CAMK2D: variants seen among roughly 807,000 people sequenced by gnomAD.
CAMK2D encodes the protein calcium/calmodulin-dependent protein kinase type II subunit delta.
In CAMK2D, 37 loss-of-function variants were observed where a neutral mutation model predicts 84.0. The observed-to-expected ratio is 0.44, with a 90% CI of 0.34 to 0.58. The LOEUF (loss-of-function observed/expected upper bound fraction) is 0.58, where lower values mean the gene tolerates loss of function less well. CAMK2D is among the 20% of genes least tolerant of loss of function. The pLI is 0.02. For missense variants in CAMK2D, 448 were observed against 652.5 expected (o/e 0.69, Z 3.41); for synonymous variants, 202 against 212.5 (o/e 0.95, Z 0.43).
In CAMK2D at chr4:113,454,269, C is replaced by A; in HGVS notation, c.*276G>T. 1 of 319,766 alleles carries A rather than the reference C, an allele frequency of 3.1e-6. No homozygotes were observed. The highest frequency in any genetic ancestry group is 5.7e-6 in the Non-Finnish European group (1 of 175,940). 19.8% of individuals were successfully genotyped at this position (319,766 alleles called of 1,614,324 possible). A position where few individuals can be genotyped will look rare whatever the true frequency, so the allele number is the denominator to read the frequency against. On this transcript the variant is annotated 3_prime_UTR_variant, in exon 21 of 21. Coordinates refer to ENST00000511664, the MANE Select transcript of CAMK2D (RefSeq NM_001321571.2). ...GAATATTGTGGATTTTTTTTTTTGTCTAATCTCCCCCTATTGTTTTGCCAA... is the reference window on the plus strand; with the variant it reads ...GAATATTGTGGATTTTTTTTTTTGTATAATCTCCCCCTATTGTTTTGCCAA...
chr4:113,517,527 C>A (rs2154170204), intron 9 of CAMK2D, 36 bp downstream of exon 9: 1 of 981,718 alleles, frequency 1.0e-6, no homozygotes, highest in South Asian at 1.7e-5. Context: ...AAAAGACAAA[C>A]CTTCATCTAA....
At chr4:113,528,946 A>G (rs2098440034) in intron 8 of CAMK2D, among the ~76,000 whole-genome samples, 1 of 152,200 alleles carries the variant, frequency 6.6e-6, no homozygotes, top group East Asian at 1.9e-4. Flanking sequence ...GTTCATGCTT[A>G]GAAGATACTC....
chr4:113,462,290 GTGTGTCTGTC>G (rs1302599010), intron 17 of CAMK2D, among the ~76,000 whole-genome samples: 25 of 91,714 alleles, frequency 2.7e-4, no homozygotes, highest in South Asian at 8.0e-4. Flanking sequence ...GTGTGTGTGT[GTGTGTCTGTC>G]TGTCTGTCTG....
At chr4:113,566,160 G>A (rs1197022983) in intron 4 of CAMK2D, among the ~76,000 whole-genome samples, 4 of 152,204 alleles carry the variant, frequency 2.6e-5, no homozygotes, top group Non-Finnish European at 5.9e-5. Context: ...TAGCAAAAGA[G>A]ACTGTTTTCT....
At chr4:113,674,996 C>A (rs920402168) in intron 2 of CAMK2D, among the ~76,000 whole-genome samples, 1 of 152,220 alleles carries the variant, frequency 6.6e-6, no homozygotes, top group African/African-American at 2.4e-5. Flanking sequence ...GCATTAGCTT[C>A]TTGCAGTAGA....
chr4:113,482,448 T>C (rs956370496), intron 16 of CAMK2D, among the ~76,000 whole-genome samples: 3 of 152,200 alleles, frequency 2.0e-5, no homozygotes, highest in African/African-American at 7.2e-5. Flanking sequence ...GTCATATCAA[T>C]TCAGTTTTCT....
At chr4:113,616,779 C>A (rs1261254655) in intron 3 of CAMK2D, among the ~76,000 whole-genome samples, 1 of 152,064 alleles carries the variant, frequency 6.6e-6, no homozygotes, top group Non-Finnish European at 1.5e-5. Flanking sequence ...CTCTGTCCTG[C>A]TCATTTTTAA....
chr4:113,487,732 C>G (rs1430967597), intron 16 of CAMK2D, among the ~76,000 whole-genome samples: 1 of 151,930 alleles, frequency 6.6e-6, no homozygotes, highest in Non-Finnish European at 1.5e-5. Context: ...AATAAGATTT[C>G]CTAAAACTGT....
At chr4:113,511,552 AT>A (rs1275505285) in intron 12 of CAMK2D, among the ~76,000 whole-genome samples, 2 of 152,186 alleles carry the variant, frequency 1.3e-5, no homozygotes, top group African/African-American at 2.4e-5. Context: ...GCCATTAACA[AT>A]TTATGCTATA....
intron 15 of CAMK2D, among the ~76,000 whole-genome samples, chr4:113,501,224 G>C (rs950815906): frequency 5.3e-5 from 8 of 151,286 alleles, no homozygotes; most frequent in African/African-American, 1.9e-4. Context: ...CTCTTTCTTT[G>C]TAAAACTACA....
chr4:113,529,224 T>C (rs13133676), intron 8 of CAMK2D, among the ~76,000 whole-genome samples: 19,870 of 152,162 alleles, frequency 0.13, 1,350 homozygotes, highest in Admixed American at 0.18. Context: ...TTCCCAGGCA[T>C]GGAGGTAACT....
At chr4:113,506,178 G>A (rs773048228) in intron 13 of CAMK2D, among the ~76,000 whole-genome samples, 1 of 152,054 alleles carries the variant, frequency 6.6e-6, no homozygotes, top group South Asian at 2.1e-4. Flanking sequence ...TTAATTGTTC[G>A]GGTTTTCTGG....
In CAMK2D at chr4:113,720,280, A is replaced by C. The variant is rs537074012; in HGVS notation, c.160+39040T>G. On this transcript the variant is annotated intron_variant, in intron 2 of 20. Transcript: ENST00000511664. ...CAACTCAGTAGTAGTAACCAAATTT[A>C]AGTTGCATTTTTAAAAGTACTCAAA... Among the ~76,000 whole-genome samples, 5 of 152,106 alleles carry C rather than the reference A, an allele frequency of 3.3e-5. 1 individual carries two copies. In the South Asian group the frequency reaches 1.0e-3, roughly 32 times the overall value.
At chr4:113,666,901 T>C (rs555736722) in intron 2 of CAMK2D, among the ~76,000 whole-genome samples, 230 of 152,306 alleles carry the variant, frequency 1.5e-3, no homozygotes, top group African/African-American at 4.9e-3. Context: ...AGTCCTGACC[T>C]TTCCTGGCCT....
At chr4:113,588,414 T>C (rs576479220) in intron 4 of CAMK2D, among the ~76,000 whole-genome samples, 1 of 152,334 alleles carries the variant, frequency 6.6e-6, no homozygotes, top group Admixed American at 6.5e-5. Flanking sequence ...GAGACAACAC[T>C]GCCTCTATTT....
chr4:113,518,855 C>T (rs1040888246), intron 8 of CAMK2D, among the ~76,000 whole-genome samples: 1 of 151,888 alleles, frequency 6.6e-6, no homozygotes, highest in African/African-American at 2.4e-5. Context: ...GTTTAATCAT[C>T]TTAGAATTTT....
chr4:113,695,553 T>C (rs1024603171), intron 2 of CAMK2D, among the ~76,000 whole-genome samples: 12 of 152,070 alleles, frequency 7.9e-5, no homozygotes, highest in Non-Finnish European at 1.3e-4. Flanking sequence ...GCCATAAACC[T>C]TATCTTTGAG....
intron 12 of CAMK2D, among the ~76,000 whole-genome samples, chr4:113,511,481 C>T (rs2098214106): frequency 6.6e-6 from 1 of 152,110 alleles, no homozygotes; most frequent in Non-Finnish European, 1.5e-5. Flanking sequence ...GTGTATTTAA[C>T]ACTTCTTTAA....
At chr4:113,728,839 T>G (rs1317394710) in intron 2 of CAMK2D, among the ~76,000 whole-genome samples, 1 of 152,190 alleles carries the variant, frequency 6.6e-6, no homozygotes, top group African/African-American at 2.4e-5. Context: ...AAACACTTAC[T>G]ACAGTGCAAG....
Sources: gnomAD v4.1 joint callset for allele counts (sites outside exome capture counted in the v4.1 genomes callset) on GRCh38, gnomAD v4.1.1 for gene constraint, MANE v1.5 for transcripts, NCBI Gene and HGNC (gene_info 2026-07-23, HGNC 2026-07-21) for gene names.